Variants in OR2L13 observed in about 807,000 individuals in gnomAD.
The protein encoded by OR2L13 is olfactory receptor 2L13.
Under a neutral mutation model 15.3 loss-of-function variants are expected in OR2L13, and 14 were observed. The ratio of observed to expected loss-of-function variants is 0.91; its 90% CI spans 0.60 to 1.43. The LOEUF (loss-of-function observed/expected upper bound fraction) is 1.43. Ranked by LOEUF, OR2L13 falls within the 40% of genes most tolerant of loss-of-function variation. The pLI is 0.00. For missense variants in OR2L13, 367 were observed against 387.9 expected, an observed-to-expected ratio of 0.95 and a Z score of 0.45; for synonymous variants, 152 against 142.9, an observed-to-expected ratio of 1.06 and a Z score of -0.45.
the OR2L13 span, among the ~76,000 whole-genome samples, chr1:247,957,208 T>A: frequency 6.6e-6 from 1 of 152,288 alleles, no homozygotes; most frequent in East Asian, 1.9e-4. Flanking sequence ...TAATCATAGG[T>A]TTTTGTCATT....
the OR2L13 span, among the ~76,000 whole-genome samples, chr1:248,007,323 A>G: frequency 6.6e-6 from 1 of 152,188 alleles, no homozygotes; most frequent in Non-Finnish European, 1.5e-5. Context: ...ATCAGTGAAT[A>G]TTGAGCCTTC....
the OR2L13 span, chr1:247,949,182 G>A: frequency 1.2e-6 from 2 of 1,614,176 alleles, no homozygotes; most frequent in Non-Finnish European, 1.7e-6. Flanking sequence ...ATTAGGAGGT[G>A]CAGAAGCACT....
the OR2L13 span, chr1:247,939,221 T>A: frequency 2.6e-5 from 4 of 152,310 alleles, no homozygotes; most frequent in East Asian, 7.7e-4. Context: ...TATTCTTATA[T>A]CTACATCAGA....
chr1:248,047,657 G>A, the OR2L13 span, among the ~76,000 whole-genome samples: 1 of 152,150 alleles, frequency 6.6e-6, no homozygotes, highest in Non-Finnish European at 1.5e-5. Flanking sequence ...TAAACTTCCA[G>A]TGAAATTATA....
chr1:248,033,371 CA>C, the OR2L13 span, among the ~76,000 whole-genome samples: 1 of 151,868 alleles, frequency 6.6e-6, no homozygotes, highest in Non-Finnish European at 1.5e-5. Flanking sequence ...GTTTGCTTGC[CA>C]AAAAAATATT....
the OR2L13 span, among the ~76,000 whole-genome samples, chr1:248,054,842 C>T: frequency 6.6e-6 from 1 of 152,172 alleles, no homozygotes; most frequent in Non-Finnish European, 1.5e-5. Context: ...AGCCTTTGGG[C>T]TGAGTCAGTC....
the OR2L13 span, among the ~76,000 whole-genome samples, chr1:247,973,870 C>A: frequency 2.0e-5 from 3 of 152,124 alleles, no homozygotes; most frequent in African/African-American, 7.2e-5. Context: ...GACAGTGTGG[C>A]GATTGCTCAA....
At chr1:248,016,671 G>T in the OR2L13 span, among the ~76,000 whole-genome samples, 2 of 151,662 alleles carry the variant, frequency 1.3e-5, no homozygotes, top group Admixed American at 1.3e-4. Context: ...AAAATATTTG[G>T]ATAAACTAGA....
chr1:247,980,348 T>A, the OR2L13 span, among the ~76,000 whole-genome samples: 1 of 152,214 alleles, frequency 6.6e-6, no homozygotes, highest in African/African-American at 2.4e-5. Context: ...CTTCTACTTA[T>A]GTGTTTTAAG....
At chr1:248,017,949 C>T in the OR2L13 span, among the ~76,000 whole-genome samples, 1 of 152,100 alleles carries the variant, frequency 6.6e-6, no homozygotes, top group South Asian at 2.1e-4. Context: ...CGAGACCATC[C>T]TGGCTAACAC....
chr1:247,972,857 C>T, the OR2L13 span, among the ~76,000 whole-genome samples: 3 of 152,142 alleles, frequency 2.0e-5, no homozygotes, highest in Non-Finnish European at 4.4e-5. Flanking sequence ...CCCCAATGAA[C>T]ATTGATGTGA....
At chr1:248,030,962 T>C in the OR2L13 span, among the ~76,000 whole-genome samples, 1 of 152,238 alleles carries the variant, frequency 6.6e-6, no homozygotes, top group Non-Finnish European at 1.5e-5. Context: ...TTTTTCCTCC[T>C]GTGTATAACA....
At chr1:247,976,904 T>C in the OR2L13 span, among the ~76,000 whole-genome samples, 821 of 152,338 alleles carry the variant, frequency 5.4e-3, 3 homozygotes, top group Non-Finnish European at 9.9e-3. Flanking sequence ...CATTGTTCTC[T>C]ATCCTCACAA....
the OR2L13 span, chr1:247,948,985 C>A: frequency 6.2e-7 from 1 of 1,613,898 alleles, no homozygotes. Context: ...GGAAACCTGT[C>A]CATGATTCTT....
At chr1:247,939,037 G>A in the OR2L13 span, 1 of 152,144 alleles carries the variant, frequency 6.6e-6, no homozygotes, top group African/African-American at 2.4e-5. Context: ...TATAAGTAAA[G>A]GATGCAAGAC....
At chr1:248,028,337 C>G in the OR2L13 span, among the ~76,000 whole-genome samples, 1 of 152,164 alleles carries the variant, frequency 6.6e-6, no homozygotes, top group East Asian at 1.9e-4. Context: ...TAACAATCCA[C>G]CTGCCTCAGT....
chr1:248,041,208 A>G, the OR2L13 span: 4 of 152,182 alleles, frequency 2.6e-5, no homozygotes, highest in African/African-American at 4.8e-5. Context: ...AACGCCGCAT[A>G]TCTACAACTA....
the OR2L13 span, among the ~76,000 whole-genome samples, chr1:248,018,263 G>A: frequency 6.6e-6 from 1 of 151,984 alleles, no homozygotes. Flanking sequence ...TCTGTCCTAT[G>A]TTACTTTTCC....
At chr1:247,950,065 T>C in the OR2L13 span, among the ~76,000 whole-genome samples, 1 of 151,376 alleles carries the variant, frequency 6.6e-6, no homozygotes, top group Non-Finnish European at 1.5e-5. Context: ...CATGCAGAAA[T>C]GAAAATGAAA....
Sources: gnomAD v4.1 joint callset for allele counts (sites outside exome capture counted in the v4.1 genomes callset) on GRCh38, gnomAD v4.1.1 for gene constraint, MANE v1.5 for transcripts, NCBI Gene and HGNC (gene_info 2026-07-23, HGNC 2026-07-21) for gene names.